The following DLD variants were observed in gnomAD, a reference collection of about 807,000 sequenced individuals.
The protein encoded by DLD is dihydrolipoyl dehydrogenase, mitochondrial.
Under a neutral mutation model 62.2 loss-of-function variants are expected in DLD, and 36 were observed. That is an observed-to-expected ratio of 0.58 (90% CI 0.44 to 0.76). DLD has a LOEUF of 0.76. DLD is among the 30% of genes least tolerant of loss of function. The pLI is 0.00. For missense variants in DLD, 541 were observed against 608.6 expected, an observed-to-expected ratio of 0.89 and a Z score of 1.17; for synonymous variants, 204 against 199.6, an observed-to-expected ratio of 1.02 and a Z score of -0.19.
chr7:107,906,167 G>A, intron 7 of DLD, 100 bp from the exon 8 acceptor site: 1 of 689,842 alleles, frequency 1.4e-6, no homozygotes, highest in Non-Finnish European at 2.6e-6. Flanking sequence ...TTCAATTAAT[G>A]GTTGGTTAAA....
intron 8 of DLD, among the ~76,000 whole-genome samples, chr7:107,909,168 A>G (rs2032080217): frequency 6.6e-6 from 1 of 152,158 alleles, no homozygotes; most frequent in Admixed American, 6.5e-5. Context: ...TGGAATTCTG[A>G]TTTTTTAAAC....
rs971541116 is a variant in DLD, at chr7:107,905,675, G to T, written c.582+171G>T. On this transcript the variant is annotated intron_variant, in intron 7 of 13. Transcript: ENST00000205402. The stretch of plus-strand genomic sequence containing the variant: ...CTTTATTCTGCAGTGATTCTGACCA[G>T]CTATAGAACACTTTATATTAAGATA... 3.7e-5 allele frequency: 25 copies of T among 672,864 alleles called. 1 individual carries two copies. The South Asian group carries it at 4.4e-4, about 12-fold the overall frequency. 41.7% of individuals were successfully genotyped at this position (672,864 alleles called of 1,614,324 possible). A position where few individuals can be genotyped will look rare whatever the true frequency, so the allele number is the denominator to read the frequency against.
At chr7:107,918,234 C>T (rs1348330547) in intron 12 of DLD, among the ~76,000 whole-genome samples, 173 bp downstream of exon 12, 1 of 152,176 alleles carries the variant, frequency 6.6e-6, no homozygotes, top group African/African-American at 2.4e-5. Context: ...CACAGTCTTG[C>T]CCACTGTATC....
At chr7:107,899,871 A>C (rs1340660753) in intron 2 of DLD, among the ~76,000 whole-genome samples, 1 of 152,108 alleles carries the variant, frequency 6.6e-6, no homozygotes, top group Non-Finnish European at 1.5e-5. Context: ...AGACATTAAA[A>C]ATTCAGCAAA....
In DLD at chr7:107,920,812, A is replaced by G. The variant is rs925981129; in HGVS notation, c.*1553A>G. 4 of 152,242 alleles carry G rather than the reference A, an allele frequency of 2.6e-5. No individual in the cohort carries two copies. The highest frequency in any genetic ancestry group is 4.8e-5 in the African/African-American group (2 of 41,536). 9.4% of individuals were successfully genotyped at this position (152,242 alleles called of 1,614,324 possible). A position where few individuals can be genotyped will look rare whatever the true frequency, so the allele number is the denominator to read the frequency against. On this transcript the variant is annotated 3_prime_UTR_variant, in exon 14 of 14. Coordinates refer to ENST00000205402, the MANE Select transcript of DLD (RefSeq NM_000108.5). ...AGTGCTGTTCACTTTTTAAGTGCCA[A>G]CTTCCCTCTACTTTCCACTTGTTTA...
At chr7:107,903,963 A>T (rs2031940891) in intron 5 of DLD, among the ~76,000 whole-genome samples, 1 of 152,222 alleles carries the variant, frequency 6.6e-6, no homozygotes, top group South Asian at 2.1e-4. Flanking sequence ...GAGGAGAGAA[A>T]GAGTGAGGCA....
At position 107,893,233 on chromosome 7, in the gene DLD, C is replaced by T; in HGVS notation, c.73C>T (p.Gln25Ter). 6.2e-7 allele frequency: 1 copy of T among 1,613,562 alleles called. No homozygotes were observed. The highest frequency in any genetic ancestry group is 8.5e-7 in the Non-Finnish European group (1 of 1,179,724). The change falls in exon 2 of 14, where the codon CAG (glutamine) becomes TAG (stop). Residue 25 changes from glutamine (Q) to a stop codon, truncating the protein, a stop_gained. Transcript: ENST00000205402. LOFTEE classifies it high-confidence loss of function. The stretch of plus-strand genomic sequence containing the variant: ...TTTCAATCGAATATCTCATGGCCTA[C>T]AGGGACTTTCTGCAGTGCCTCTGAG... Reference protein sequence around the residue: ...GHFNRISHGLQGLSAVPLRTY... With the variant: ...GHFNRISHGL
Position 107,891,211 on chromosome 7 carries a change from G to A in DLD, c.-40G>A. The A allele has an allele frequency of 6.2e-7, 1 of 1,613,360 alleles. No homozygotes were observed. ...GGCGGAGCGGCGGAGGCGCCCAGCG[G>A]AGGTGAAAGTATTGGCGGAAAGGAA... On this transcript the variant is annotated 5_prime_UTR_variant, in exon 1 of 14. Coordinates refer to ENST00000205402, the MANE Select transcript of DLD (RefSeq NM_000108.5).
At chr7:107,893,115 C>G in intron 1 of DLD, 85 bp from the exon 2 acceptor site, 1 of 1,142,474 alleles carries the variant, frequency 8.8e-7, no homozygotes, top group South Asian at 1.3e-5. Context: ...TACGTTTGCC[C>G]AAAATTGTTC....
intron 8 of DLD, among the ~76,000 whole-genome samples, chr7:107,908,148 T>C (rs1317805821): frequency 2.2e-5 from 3 of 135,830 alleles, no homozygotes. Context: ...AGTATTTTTG[T>C]TTTTCTTTTT....
At chr7:107,891,633 T>C (rs1584453947) in intron 1 of DLD, 1 of 490,788 alleles carries the variant, frequency 2.0e-6, no homozygotes. Context: ...CCATGTCCCG[T>C]ATAGTCTGGC....
chr7:107,909,957 A>C (rs1009468351), intron 8 of DLD, among the ~76,000 whole-genome samples: 7 of 148,744 alleles, frequency 4.7e-5, no homozygotes, highest in African/African-American at 1.7e-4. Context: ...AGTTCAAGCA[A>C]TTCTCCTGCC....
intron 1 of DLD, among the ~76,000 whole-genome samples, chr7:107,892,463 A>G (rs1297022826): frequency 6.6e-6 from 1 of 152,238 alleles, no homozygotes; most frequent in African/African-American, 2.4e-5. Flanking sequence ...GAGTTAGGAA[A>G]CAAAAATTAC....
chr7:107,896,805 G>A (rs1048589581), intron 2 of DLD, among the ~76,000 whole-genome samples: 3 of 150,930 alleles, frequency 2.0e-5, no homozygotes, highest in Non-Finnish European at 4.4e-5. Flanking sequence ...TTTCCTGTTC[G>A]TTTTTTCTTT....
At chr7:107,915,437 TA>T in intron 8 of DLD, 68 bp from the exon 9 acceptor site, 1 of 1,503,884 alleles carries the variant, frequency 6.6e-7, no homozygotes, top group South Asian at 1.1e-5. Context: ...AATAAATTAT[TA>T]AGATGATTTC....
At chr7:107,909,649 T>C (rs1034198052) in intron 8 of DLD, among the ~76,000 whole-genome samples, 11 of 152,192 alleles carry the variant, frequency 7.2e-5, no homozygotes, top group Admixed American at 6.5e-5. Context: ...TAGTGTCTAC[T>C]GATTGTGAAA....
intron 9 of DLD, 86 bp downstream of exon 9, chr7:107,915,782 A>G (rs939112323): frequency 3.2e-6 from 4 of 1,254,800 alleles, no homozygotes; most frequent in African/African-American, 3.0e-5. Flanking sequence ...TAGCAAATAT[A>G]GGGTTTTTTC....
Position 107,915,710 on chromosome 7 carries a change from A to T in DLD, c.875+14A>T. ...AATTGATGTTTCGTAAGTATACATCATTTGTTTTTGATGTATCATCCCTGT... is the reference window on the plus strand; with the variant it reads ...AATTGATGTTTCGTAAGTATACATCTTTTGTTTTTGATGTATCATCCCTGT... On this transcript the variant is annotated intron_variant, in intron 9 of 13. Coordinates refer to ENST00000205402, the MANE Select transcript of DLD (RefSeq NM_000108.5). 3.1e-6 allele frequency: 5 copies of T among 1,611,394 alleles called. No homozygotes were observed. The highest frequency in any genetic ancestry group is 4.2e-6 in the Non-Finnish European group (5 of 1,178,158).
Position 107,916,533 on chromosome 7 carries a change from G to A in DLD, c.876-261G>A, listed in dbSNP as rs560362790. 3.0e-4 allele frequency among the ~76,000 whole-genome samples: 46 copies of A among 152,080 alleles called. No homozygotes were observed. The South Asian group carries it at 8.7e-3, about 29-fold the overall frequency. Reference sequence around the variant, plus strand: ...CTAAAAATACAAAAATTAGCTGGGCGTGGTGGCGCGTGCCTGTAGTCCCAG... The same window carrying A: ...CTAAAAATACAAAAATTAGCTGGGCATGGTGGCGCGTGCCTGTAGTCCCAG... On this transcript the variant is annotated intron_variant, in intron 9 of 13. Coordinates refer to ENST00000205402, the MANE Select transcript of DLD (RefSeq NM_000108.5).
Sources: allele counts gnomAD v4.1 joint callset (sites outside exome capture counted in the v4.1 genomes callset), GRCh38; gene constraint gnomAD v4.1.1; transcripts MANE v1.5; gene names NCBI Gene and HGNC (gene_info 2026-07-23, HGNC 2026-07-21).